Variants in SUSD4 observed in about 807,000 individuals in gnomAD.
The protein encoded by SUSD4 is sushi domain-containing protein 4.
Under a neutral mutation model 50.5 loss-of-function variants are expected in SUSD4, and 41 were observed. The ratio of observed to expected loss-of-function variants is 0.81; its 90% CI spans 0.63 to 1.05. The LOEUF (loss-of-function observed/expected upper bound fraction) is 1.05. Among genes scored for constraint, SUSD4 ranks in the 50% least tolerant of loss-of-function variants. SUSD4 has a pLI of 0.00. For missense variants in SUSD4, 580 were observed against 634.7 expected (o/e 0.91, Z 0.93); for synonymous variants, 257 against 257.3 (o/e 1.00, Z 0.01).
chr1:223,280,551 C>G (rs1252024022), intron 3 of SUSD4, among the ~76,000 whole-genome samples: 1 of 152,272 alleles, frequency 6.6e-6, no homozygotes, highest in East Asian at 1.9e-4. Context: ...CTTAAATATA[C>G]ATGCACGCAA....
rs1365055930 is a variant in SUSD4, at chr1:223,231,347, AG to A, written c.725-1960del. Among the ~76,000 whole-genome samples, 1 of 152,082 alleles carries A rather than the reference AG, an allele frequency of 6.6e-6. No individual in the cohort carries two copies. Among genetic ancestry groups the A allele is most frequent in the Non-Finnish European group, 1.5e-5 (1 of 68,008 alleles). On this transcript the variant is annotated intron_variant, in intron 5 of 8. Transcript: ENST00000366878. This position sits in a 1 kb window ranked among gnomAD's most constrained non-coding sequence, Gnocchi z 4.2. ...GCAGGGAAGGTCCAGGGCAGATCTG[AG>A]GCTGGCAGGCCCAGGTGTGCTCAGT...
At chr1:223,269,745 A>T (rs1437418999) in intron 3 of SUSD4, among the ~76,000 whole-genome samples, 2 of 152,240 alleles carry the variant, frequency 1.3e-5, no homozygotes, top group South Asian at 4.1e-4. Flanking sequence ...TGTGAATCAT[A>T]GAAATTTCCT....
chr1:223,324,636 C>T (rs1427269305), intron 2 of SUSD4, among the ~76,000 whole-genome samples: 3 of 151,388 alleles, frequency 2.0e-5, no homozygotes, highest in Admixed American at 6.6e-5. Context: ...TCTCCCTTTC[C>T]AGGATCTATT....
At chr1:223,310,550 C>T (rs1479172889) in intron 2 of SUSD4, among the ~76,000 whole-genome samples, 1 of 152,102 alleles carries the variant, frequency 6.6e-6, no homozygotes, top group African/African-American at 2.4e-5. Flanking sequence ...GTGTATACAG[C>T]ATGATTCTTT....
At chr1:223,256,992 G>C (rs888883433) in intron 5 of SUSD4, among the ~76,000 whole-genome samples, 1 of 152,184 alleles carries the variant, frequency 6.6e-6, no homozygotes, top group African/African-American at 2.4e-5. Context: ...TGTTAGGAGA[G>C]ATCATGAAAT....
At chr1:223,247,088 C>T (rs1382358651) in intron 5 of SUSD4, among the ~76,000 whole-genome samples, 1 of 152,158 alleles carries the variant, frequency 6.6e-6, no homozygotes, top group Non-Finnish European at 1.5e-5. Flanking sequence ...TTCCAAAGGT[C>T]CATACAGCCC....
intron 2 of SUSD4, among the ~76,000 whole-genome samples, chr1:223,299,549 G>C (rs759859770): frequency 2.0e-4 from 30 of 152,154 alleles, no homozygotes; most frequent in Non-Finnish European, 3.2e-4. Context: ...ATAAGAGATA[G>C]CCTTTGTGAT....
At chr1:223,245,878 C>T (rs959072215) in intron 5 of SUSD4, among the ~76,000 whole-genome samples, 3 of 152,064 alleles carry the variant, frequency 2.0e-5, no homozygotes, top group African/African-American at 7.2e-5. Flanking sequence ...TGACCTGGCT[C>T]GATTGTGGTA....
At chr1:223,233,489 A>C (rs919336334) in intron 5 of SUSD4, among the ~76,000 whole-genome samples, 8 of 152,144 alleles carry the variant, frequency 5.3e-5, no homozygotes, top group Admixed American at 6.5e-5. Flanking sequence ...GGCTCGACTG[A>C]GTACTGCTAC....
At chr1:223,331,403 C>A (rs562973393) in intron 2 of SUSD4, among the ~76,000 whole-genome samples, 1 of 152,270 alleles carries the variant, frequency 6.6e-6, no homozygotes, top group East Asian at 1.9e-4. Flanking sequence ...TCATTCCCAG[C>A]CAGCTGTGAA....
At chr1:223,237,628 G>A (rs1397082849) in intron 5 of SUSD4, among the ~76,000 whole-genome samples, 2 of 151,824 alleles carry the variant, frequency 1.3e-5, no homozygotes, top group Non-Finnish European at 2.9e-5. Context: ...TTTTTAGTCA[G>A]TTGTTGTGAT....
At chr1:223,243,079 T>C (rs931721018) in intron 5 of SUSD4, among the ~76,000 whole-genome samples, 2 of 152,046 alleles carry the variant, frequency 1.3e-5, no homozygotes, top group Non-Finnish European at 2.9e-5. Flanking sequence ...CTCCCCATGA[T>C]GGGCAGCCGG....
intron 2 of SUSD4, among the ~76,000 whole-genome samples, chr1:223,317,399 G>A (rs1666264280): frequency 6.6e-6 from 1 of 152,172 alleles, no homozygotes; most frequent in South Asian, 2.1e-4. Context: ...GCCCCTCTTG[G>A]CTGCTGTGTC....
At chr1:223,260,597 A>T (rs1662042263) in intron 5 of SUSD4, among the ~76,000 whole-genome samples, 2 of 152,220 alleles carry the variant, frequency 1.3e-5, no homozygotes, top group African/African-American at 4.8e-5. Context: ...ACACACAGGG[A>T]TGCAGGAAGC....
intron 2 of SUSD4, among the ~76,000 whole-genome samples, chr1:223,339,713 G>A (rs140893757): frequency 1.8e-4 from 28 of 152,296 alleles, no homozygotes; most frequent in African/African-American, 5.8e-4. Context: ...CCGAGGAATC[G>A]TCTTTGCAGA....
chr1:223,276,887 A>AT (rs1373000419), intron 3 of SUSD4, among the ~76,000 whole-genome samples: 1 of 151,656 alleles, frequency 6.6e-6, no homozygotes, highest in Non-Finnish European at 1.5e-5. Flanking sequence ...GAAATTTTAG[A>AT]TGATAGAGAA....
chr1:223,363,955 A>C (rs1232875247), intron 1 of SUSD4, 102 bp downstream of exon 1: 15 of 152,234 alleles, frequency 9.9e-5, no homozygotes, highest in African/African-American at 2.9e-4. Flanking sequence ...AAAAAAAAAA[A>C]AAAATTCTCC....
At chr1:223,271,025 C>T (rs369290274) in intron 3 of SUSD4, among the ~76,000 whole-genome samples, 7 of 152,244 alleles carry the variant, frequency 4.6e-5, no homozygotes, top group South Asian at 2.1e-4. Flanking sequence ...ATGTGAATTA[C>T]GTTTTTTCAA....
At chr1:223,349,092 C>G (rs1242788423) in intron 2 of SUSD4, among the ~76,000 whole-genome samples, 1 of 152,140 alleles carries the variant, frequency 6.6e-6, no homozygotes, top group Non-Finnish European at 1.5e-5. Flanking sequence ...GCCATCAAGT[C>G]TCATAACATG....
Sources: gnomAD v4.1 joint callset for allele counts (sites outside exome capture counted in the v4.1 genomes callset) on GRCh38, gnomAD v4.1.1 for gene constraint, Gnocchi (gnomAD v3.1) non-coding constraint, MANE v1.5 for transcripts, NCBI Gene and HGNC (gene_info 2026-07-23, HGNC 2026-07-21) for gene names.